PPP2R2D: variants seen among roughly 807,000 people sequenced by gnomAD.
PPP2R2D encodes serine/threonine-protein phosphatase 2A 55 kDa regulatory subunit B delta isoform.
Under a neutral mutation model 31.1 loss-of-function variants are expected in PPP2R2D, and 9 were observed. The observed-to-expected ratio is 0.29, with a 90% CI of 0.17 to 0.51. The LOEUF (loss-of-function observed/expected upper bound fraction) is 0.51. PPP2R2D is among the 20% of genes least tolerant of loss of function. The pLI is 0.98. For synonymous variants in PPP2R2D, 179 were observed against 172.6 expected (o/e 1.04, Z -0.29); for missense variants, 391 against 465.6 (o/e 0.84, Z 1.48).
At chr10:131,968,693 T>C in the PPP2R2D span, 2 of 709,894 alleles carry the variant, frequency 2.8e-6, no homozygotes, top group Non-Finnish European at 4.7e-6. Flanking sequence ...TTTATACCCA[T>C]TATAAAAATT....
intron 2 of PPP2R2D, among the ~76,000 whole-genome samples, chr10:131,901,724 C>T (rs2035501108): frequency 6.6e-6 from 1 of 152,170 alleles, no homozygotes; most frequent in Non-Finnish European, 1.5e-5. Context: ...ATCGTGCGCT[C>T]GGGCAGCGCG....
intron 2 of PPP2R2D, among the ~76,000 whole-genome samples, chr10:131,928,573 C>T (rs915835249): frequency 3.3e-5 from 5 of 152,270 alleles, no homozygotes; most frequent in Non-Finnish European, 7.4e-5. Flanking sequence ...TCAAGAGCTT[C>T]CTCCCGCTGC....
In PPP2R2D at chr10:131,901,342, G is replaced by C. The variant is rs1375855672; in HGVS notation, c.100+12G>C. 1.4e-5 allele frequency: 5 copies of C among 356,590 alleles called. No homozygotes were observed. The highest frequency in any genetic ancestry group is 1.1e-4 in the African/African-American group (5 of 46,762). The allele number at this position is 356,590 out of a possible 1,614,324, so 22.1% of individuals were successfully genotyped here. ...GGACGTGGCCGAAGGTGAGCCCCGC[G>C]CCGCGCCCCGCCCCGGGACCCTCGC... On this transcript the variant is annotated intron_variant, in intron 2 of 8. Transcript: ENST00000455566.
intron 2 of PPP2R2D, among the ~76,000 whole-genome samples, chr10:131,916,359 T>A (rs1271361136): frequency 6.7e-6 from 1 of 150,002 alleles, no homozygotes; most frequent in Non-Finnish European, 1.5e-5. Context: ...GGTCTAGGAA[T>A]TTTTTTTAAT....
intron 2 of PPP2R2D, among the ~76,000 whole-genome samples, chr10:131,925,000 T>A (rs556728596): frequency 4.3e-4 from 65 of 152,348 alleles, no homozygotes; most frequent in Non-Finnish European, 5.9e-4. Flanking sequence ...TTATTGGCCT[T>A]GCATCCTGTG....
intron 2 of PPP2R2D, among the ~76,000 whole-genome samples, chr10:131,914,185 A>G (rs2035733392): frequency 2.0e-5 from 3 of 152,232 alleles, no homozygotes; most frequent in African/African-American, 7.2e-5. Context: ...AGTTAACATT[A>G]ATCATCATAG....
At chr10:131,968,517 T>C in the PPP2R2D span, 5 of 1,588,802 alleles carry the variant, frequency 3.1e-6, no homozygotes, top group Non-Finnish European at 4.3e-6. Flanking sequence ...CAGACTCCAG[T>C]TCTTCATCAA....
downstream of PPP2R2D, among the ~76,000 whole-genome samples, chr10:131,961,559 C>T (rs1164453711): frequency 2.6e-5 from 4 of 152,212 alleles, no homozygotes; most frequent in Non-Finnish European, 4.4e-5. Context: ...AGCTCCGTGC[C>T]TCTGTGCCCC....
chr10:131,903,932 G>T (rs1293569063), intron 2 of PPP2R2D, among the ~76,000 whole-genome samples: 1 of 152,212 alleles, frequency 6.6e-6, no homozygotes, highest in African/African-American at 2.4e-5. Context: ...GGCTGGGTAC[G>T]GTGACTCACA....
chr10:131,953,983 T>A (rs1440745725), intron 8 of PPP2R2D, among the ~76,000 whole-genome samples: 2 of 152,200 alleles, frequency 1.3e-5, no homozygotes, highest in East Asian at 3.8e-4. Flanking sequence ...TGTTGAGGGA[T>A]GCGATGAAGG....
At chr10:131,924,392 A>T (rs1310408373) in intron 2 of PPP2R2D, among the ~76,000 whole-genome samples, 3 of 152,030 alleles carry the variant, frequency 2.0e-5, no homozygotes, top group Non-Finnish European at 2.9e-5. Context: ...TTTCTTTTGC[A>T]TGTGGATATT....
chr10:131,939,843 C>T (rs1384303985), intron 3 of PPP2R2D, 188 bp from the exon 4 acceptor site: 6 of 361,686 alleles, frequency 1.7e-5, no homozygotes, highest in South Asian at 9.2e-5. Flanking sequence ...GAAGTGGAGT[C>T]GAAGAGTCGG....
chr10:131,926,820 C>T (rs1279865244), intron 2 of PPP2R2D, among the ~76,000 whole-genome samples: 1 of 152,356 alleles, frequency 6.6e-6, no homozygotes, highest in South Asian at 2.1e-4. Flanking sequence ...AATGGCCTTG[C>T]CCGGCACCTT....
At chr10:131,966,565 AGTT>A in the PPP2R2D span, 1 of 152,162 alleles carries the variant, frequency 6.6e-6, no homozygotes, top group African/African-American at 2.4e-5. Flanking sequence ...CCAGTCCCAG[AGTT>A]GTTTTTTCTG....
At chr10:131,968,422 A>G in the PPP2R2D span, 1 of 933,690 alleles carries the variant, frequency 1.1e-6, no homozygotes, top group East Asian at 2.5e-5. Flanking sequence ...ACAAATAAAC[A>G]CAAGTGACGT....
At chr10:131,962,816 C>T (rs2036941971), downstream of PPP2R2D, among the ~76,000 whole-genome samples, 1 of 152,224 alleles carries the variant, frequency 6.6e-6, no homozygotes, top group South Asian at 2.1e-4. Context: ...GGCTGCACTT[C>T]CGCCGATCAG....
intron 2 of PPP2R2D, among the ~76,000 whole-genome samples, chr10:131,918,831 G>A (rs114561808): frequency 2.3e-3 from 338 of 148,080 alleles, no homozygotes; most frequent in African/African-American, 7.5e-3. Flanking sequence ...GGGACCTCAC[G>A]GGGGTGGAAT....
chr10:131,942,131 T>G (rs914725657), intron 5 of PPP2R2D, among the ~76,000 whole-genome samples: 1 of 152,136 alleles, frequency 6.6e-6, no homozygotes, highest in Non-Finnish European at 1.5e-5. Flanking sequence ...TGTCCATCTC[T>G]TCTGCAGCCA....
At chr10:131,936,296 G>A (rs1427176229) in intron 3 of PPP2R2D, among the ~76,000 whole-genome samples, 1 of 149,668 alleles carries the variant, frequency 6.7e-6, no homozygotes, top group Non-Finnish European at 1.5e-5. Context: ...TTACAGGCAT[G>A]CACCACCACG....
Sources: allele counts gnomAD v4.1 joint callset (sites outside exome capture counted in the v4.1 genomes callset), GRCh38; gene constraint gnomAD v4.1.1; transcripts MANE v1.5; gene names NCBI Gene and HGNC (gene_info 2026-07-23, HGNC 2026-07-21).